RNF144B: variants seen among roughly 807,000 people sequenced by gnomAD.
The protein encoded by RNF144B is E3 ubiquitin-protein ligase RNF144B.
A neutral mutation model predicts 40.2 loss-of-function variants in RNF144B; 25 were observed. The observed-to-expected ratio is 0.62, with a 90% CI of 0.45 to 0.87. The LOEUF (loss-of-function observed/expected upper bound fraction) is 0.87. Ranked by LOEUF, RNF144B falls within the 40% of genes least tolerant of loss-of-function variation. The pLI is 0.00. For synonymous variants in RNF144B, 145 were observed against 136.3 expected, an observed-to-expected ratio of 1.06 and a Z score of -0.44; for missense variants, 365 against 373.7, an observed-to-expected ratio of 0.98 and a Z score of 0.19.
In RNF144B at chr6:18,406,915, T is replaced by C. The variant is rs1794922327; in HGVS notation, c.165+7216T>C. Among the ~76,000 whole-genome samples, 2 of 152,064 alleles carry C rather than the reference T, an allele frequency of 1.3e-5. No individual in the cohort carries two copies. The highest frequency in any genetic ancestry group is 2.9e-5 in the Non-Finnish European group (2 of 68,006). The stretch of plus-strand genomic sequence containing the variant: ...GGAGGCCTCAGGAAACTTACAATCA[T>C]GGTGGAAGGGGAAGCAGCCACGTCT... On this transcript the variant is annotated intron_variant, in intron 2 of 7. Coordinates refer to ENST00000259939, the MANE Select transcript of RNF144B (RefSeq NM_182757.4). This position sits in a 1 kb window ranked among gnomAD's most constrained non-coding sequence, Gnocchi z 4.2.
chr6:18,424,673 T>G (rs1346363244), intron 2 of RNF144B, among the ~76,000 whole-genome samples: 2 of 152,240 alleles, frequency 1.3e-5, no homozygotes, highest in Admixed American at 6.5e-5. Context: ...ATATTTCAAC[T>G]TAACACATTT....
Position 18,434,803 on chromosome 6 carries a change from A to G in RNF144B, c.271-4881A>G, listed in dbSNP as rs1758781621. Among the ~76,000 whole-genome samples, 1 of 151,974 alleles carries G rather than the reference A, an allele frequency of 6.6e-6. No individual in the cohort carries two copies. ...CGCCCAGCTAATTTTTTGTATTTTT[A>G]GTAGAGATGGGGTTTCACCTTGTTA... On this transcript the variant is annotated intron_variant, in intron 3 of 7. Transcript: ENST00000259939. The surrounding 1 kb of genome is among the most constrained non-coding windows in gnomAD (Gnocchi z 4.1).
At chr6:18,394,762 A>T (rs1794659193) in intron 1 of RNF144B, among the ~76,000 whole-genome samples, 3 of 152,218 alleles carry the variant, frequency 2.0e-5, no homozygotes, top group Admixed American at 6.5e-5. Context: ...ATGACAAGAC[A>T]CGAGGGGAAA....
Position 18,450,190 on chromosome 6 carries a change from T to C in RNF144B, c.332-6965T>C, listed in dbSNP as rs1378172497. On this transcript the variant is annotated intron_variant, in intron 4 of 7. Coordinates refer to ENST00000259939, the MANE Select transcript of RNF144B (RefSeq NM_182757.4). The surrounding 1 kb of genome is among the most constrained non-coding windows in gnomAD (Gnocchi z 4.7). Reference sequence around the variant, plus strand: ...GTGCTGGATGCAGGTTTTATATTAATGTATTGATATGTTTACTTCCAATTC... The same window carrying C: ...GTGCTGGATGCAGGTTTTATATTAACGTATTGATATGTTTACTTCCAATTC... Among the ~76,000 whole-genome samples the C allele has an allele frequency of 6.6e-6, 1 of 152,194 alleles. No homozygotes were observed. Among genetic ancestry groups the C allele is most frequent in the Non-Finnish European group, 1.5e-5 (1 of 68,036 alleles).
rs1372260628 is a variant in RNF144B, at chr6:18,391,181, AGGCTCTTT to A, written c.-37+3553_-37+3560del. On this transcript the variant is annotated intron_variant, in intron 1 of 7. Transcript: ENST00000259939. ...AAATCAGCCTGGCTCTTGCTCTATA[AGGCTCTTT>A]GAAATACCACTTCTCCTTGATTGGT... Among the ~76,000 whole-genome samples the A allele has an allele frequency of 2.6e-5, 4 of 152,182 alleles. No individual in the cohort carries two copies. The East Asian group carries it at 7.7e-4, about 29-fold the overall frequency.
At chr6:18,411,591 C>T (rs750014945) in intron 2 of RNF144B, among the ~76,000 whole-genome samples, 26 of 130,752 alleles carry the variant, frequency 2.0e-4, no homozygotes, top group Non-Finnish European at 2.1e-4. Flanking sequence ...GCAATCTCTG[C>T]CTCCTGGGTT....
chr6:18,431,975 C>T (rs1367189322), intron 3 of RNF144B, among the ~76,000 whole-genome samples: 1 of 152,138 alleles, frequency 6.6e-6, no homozygotes, highest in East Asian at 1.9e-4. Context: ...CCTCAGTGTC[C>T]ATGGGTTCTG....
At chr6:18,402,748 C>G (rs1340971838) in intron 2 of RNF144B, among the ~76,000 whole-genome samples, 2 of 152,132 alleles carry the variant, frequency 1.3e-5, no homozygotes, top group Admixed American at 6.5e-5. Flanking sequence ...TAAATAACAT[C>G]CAGGGAAAGG....
In RNF144B at chr6:18,458,761, A is replaced by G. The variant is rs2113536724; in HGVS notation, c.537-846A>G. On this transcript the variant is annotated intron_variant, in intron 5 of 7. Coordinates refer to ENST00000259939, the MANE Select transcript of RNF144B (RefSeq NM_182757.4). The surrounding 1 kb of genome is among the most constrained non-coding windows in gnomAD (Gnocchi z 4.8). ...ATACTTGGGATAAGAAGTGTTTCAG[A>G]TCTCAGTGTTTTCAGATTTTGAAAT... Among the ~76,000 whole-genome samples, 1 of 152,308 alleles carries G rather than the reference A, an allele frequency of 6.6e-6. No individual in the cohort carries two copies. The highest frequency in any genetic ancestry group is 2.4e-5 in the African/African-American group (1 of 41,564).
chr6:18,453,413 C>T (rs1369417932), intron 4 of RNF144B, among the ~76,000 whole-genome samples: 5 of 152,130 alleles, frequency 3.3e-5, no homozygotes, highest in Non-Finnish European at 4.4e-5. Context: ...GCTGGGACTA[C>T]AGGCATGAGC....
rs199744043 is a variant in RNF144B, at chr6:18,437,357, T to C, written c.271-2327T>C. On this transcript the variant is annotated intron_variant, in intron 3 of 7. Coordinates refer to ENST00000259939, the MANE Select transcript of RNF144B (RefSeq NM_182757.4). Reference sequence around the variant, plus strand: ...GAGAGGCTGAGGAGGGAGGATTGCTTGAGCCCGGGAGTTTAAGGCTACCTG... The same window carrying C: ...GAGAGGCTGAGGAGGGAGGATTGCTCGAGCCCGGGAGTTTAAGGCTACCTG... 5.9e-5 allele frequency among the ~76,000 whole-genome samples: 9 copies of C among 152,214 alleles called. 1 individual carries two copies. In the East Asian group the frequency reaches 1.7e-3, roughly 29 times the overall value.
At position 18,441,774 on chromosome 6, in the gene RNF144B, G is replaced by A. The variant is rs1758969798; in HGVS notation, c.331+2030G>A. Reference sequence around the variant, plus strand: ...TCTGCATCTCAACTTCCTCATCTGTGAAATGGGGATAACAAGTATCTCTGT... The same window carrying A: ...TCTGCATCTCAACTTCCTCATCTGTAAAATGGGGATAACAAGTATCTCTGT... On this transcript the variant is annotated intron_variant, in intron 4 of 7. Transcript: ENST00000259939. The surrounding 1 kb of genome is among the most constrained non-coding windows in gnomAD (Gnocchi z 4.9). Among the ~76,000 whole-genome samples the A allele has an allele frequency of 6.6e-6, 1 of 152,132 alleles. No individual in the cohort carries two copies. The highest frequency in any genetic ancestry group is 2.4e-5 in the African/African-American group (1 of 41,422).
chr6:18,462,800 C>G (rs931983536), intron 6 of RNF144B, among the ~76,000 whole-genome samples: 7 of 152,088 alleles, frequency 4.6e-5, no homozygotes, highest in African/African-American at 1.7e-4. Context: ...TGTCACTTCT[C>G]TCAATAAAGC....
Position 18,446,840 on chromosome 6 carries a change from GGTGTGTGTGTGTGTGTGT to G in RNF144B, c.331+7113_331+7130del, listed in dbSNP as rs70974744. Among the ~76,000 whole-genome samples, 1,645 of 148,000 alleles carry G rather than the reference GGTGTGTGTGTGTGTGTGT, an allele frequency of 0.011. 21 individuals are homozygous for G. Among genetic ancestry groups the G allele is most frequent in the Middle Eastern group, 0.029 (8 of 280 alleles). On this transcript the variant is annotated intron_variant, in intron 4 of 7. Transcript: ENST00000259939. The surrounding 1 kb of genome is among the most constrained non-coding windows in gnomAD (Gnocchi z 4.7). ...TAAAGTTTTATTGGTTCTATTTTAG[GGTGTGTGTGTGTGTGTGT>G]GTGTGTGTGTGTGTGTCTGTGTGTG...
At chr6:18,399,926 T>G (rs1400230839) in intron 2 of RNF144B, among the ~76,000 whole-genome samples, 1 of 152,144 alleles carries the variant, frequency 6.6e-6, no homozygotes, top group African/African-American at 2.4e-5. Flanking sequence ...AATTATTGGT[T>G]GAATAAATAG....
In RNF144B at chr6:18,467,017, G is replaced by C. The variant is rs555021360; in HGVS notation, c.*1950G>C. The C allele has an allele frequency of 1.1e-4, 16 of 146,528 alleles. No individual in the cohort carries two copies. The highest frequency in any genetic ancestry group is 3.9e-4 in the African/African-American group (16 of 40,846). The allele number at this position is 146,528 out of a possible 1,614,324, so 9.1% of individuals were successfully genotyped here. On this transcript the variant is annotated 3_prime_UTR_variant, in exon 8 of 8. Transcript: ENST00000259939. ...AACACTTCAGAAAAAAACACTATCA[G>C]TGTAGTTCATGTTAGTATAATTATA...
Position 18,468,605 on chromosome 6 carries a change from C to A in RNF144B, c.*3538C>A, listed in dbSNP as rs1759622333. 1 of 152,128 alleles carries A rather than the reference C, an allele frequency of 6.6e-6. No homozygotes were observed. Among genetic ancestry groups the A allele is most frequent in the African/African-American group, 2.4e-5 (1 of 41,436 alleles). 9.4% of individuals were successfully genotyped at this position (152,128 alleles called of 1,614,324 possible). On this transcript the variant is annotated 3_prime_UTR_variant, in exon 8 of 8. Transcript: ENST00000259939. ...TACACAGTACTAATAAAAGACTTTT[C>A]TTTCTGTTCATGAATGGATGCCTTT...
intron 2 of RNF144B, among the ~76,000 whole-genome samples, chr6:18,408,988 AG>A (rs1233000530): frequency 5.4e-5 from 8 of 148,674 alleles, no homozygotes; most frequent in Non-Finnish European, 1.0e-4. Flanking sequence ...TGACCTTTAC[AG>A]GGTCTGCCTT....
intron 2 of RNF144B, among the ~76,000 whole-genome samples, chr6:18,415,913 A>G (rs542313957): frequency 6.6e-6 from 1 of 151,912 alleles, no homozygotes; most frequent in Non-Finnish European, 1.5e-5. Flanking sequence ...CAGTTCAAGC[A>G]GAGACTCTAA....
Sources: gnomAD v4.1 joint callset for allele counts (sites outside exome capture counted in the v4.1 genomes callset) on GRCh38, gnomAD v4.1.1 for gene constraint, Gnocchi (gnomAD v3.1) non-coding constraint, MANE v1.5 for transcripts, NCBI Gene and HGNC (gene_info 2026-07-23, HGNC 2026-07-21) for gene names.